Variants in RAD51B observed in about 807,000 individuals in gnomAD.
RAD51B encodes the protein RAD51 paralog B.
Under a neutral mutation model 42.2 loss-of-function variants are expected in RAD51B, and 38 were observed. That is an observed-to-expected ratio of 0.90 (90% CI 0.70 to 1.18). The LOEUF (loss-of-function observed/expected upper bound fraction) is 1.18, where lower values mean the gene tolerates loss of function less well. RAD51B is among the 50% of genes most tolerant of loss of function. The probability of loss-of-function intolerance (pLI) is 0.00; values close to 1 mark genes in which losing one functional copy is unlikely to be tolerated. For missense variants in RAD51B, 373 were observed against 400.7 expected (o/e 0.93, Z 0.59); for synonymous variants, 154 against 145.2 (o/e 1.06, Z -0.43).
At chr14:68,224,443 C>G (rs2079994398) in intron 7 of RAD51B, among the ~76,000 whole-genome samples, 1 of 152,074 alleles carries the variant, frequency 6.6e-6, no homozygotes, top group African/African-American at 2.4e-5. Context: ...TCTTCTTTCA[C>G]CTTGAGCAGC....
chr14:68,440,910 A>G (rs2085271183), intron 9 of RAD51B, among the ~76,000 whole-genome samples: 1 of 152,200 alleles, frequency 6.6e-6, no homozygotes, highest in African/African-American at 2.4e-5. Flanking sequence ...ATATTGATTT[A>G]TTTGGGATGT....
At chr14:68,344,744 G>A (rs1360396989) in intron 8 of RAD51B, among the ~76,000 whole-genome samples, 2 of 151,458 alleles carry the variant, frequency 1.3e-5, no homozygotes, top group African/African-American at 2.4e-5. Flanking sequence ...TCAGGAGTTC[G>A]AGACCAGTCT....
chr14:68,244,975 A>G (rs1219914080), intron 7 of RAD51B, among the ~76,000 whole-genome samples: 1 of 152,226 alleles, frequency 6.6e-6, no homozygotes, highest in Non-Finnish European at 1.5e-5. Flanking sequence ...GAAAAGCCCC[A>G]TGATGTTTCT....
At chr14:68,261,490 ACT>A (rs766926253) in intron 7 of RAD51B, among the ~76,000 whole-genome samples, 10 of 152,076 alleles carry the variant, frequency 6.6e-5, no homozygotes, top group Non-Finnish European at 1.2e-4. Context: ...TCAACTGTGC[ACT>A]CTCTCTTTCT....
intron 7 of RAD51B, among the ~76,000 whole-genome samples, chr14:67,966,984 C>T (rs1204568990): frequency 6.6e-6 from 1 of 152,042 alleles, no homozygotes; most frequent in East Asian, 1.9e-4. Context: ...TAAAGACATA[C>T]CCGAGACTGG....
rs570428305 is a variant in RAD51B, at chr14:68,038,084, G to T, written c.756+150880G>T. Among the ~76,000 whole-genome samples, 145 of 152,320 alleles carry T rather than the reference G, an allele frequency of 9.5e-4. 1 individual carries two copies. The highest frequency in any genetic ancestry group is 3.2e-3 in the African/African-American group (134 of 41,572). ...GACCAGTGTTTGAAAGTCTTTAAAA[G>T]TATTATTTGACATCATAAATGACCA... On this transcript the variant is annotated intron_variant, in intron 7 of 10. Coordinates refer to ENST00000471583, the MANE Select transcript of RAD51B (RefSeq NM_133510.4).
intron 9 of RAD51B, among the ~76,000 whole-genome samples, chr14:68,440,340 G>C (rs2085255415): frequency 1.3e-5 from 2 of 152,224 alleles, no homozygotes; most frequent in South Asian, 4.1e-4. Context: ...AAACTCTGTT[G>C]AGGGATGAAG....
At chr14:68,206,301 T>G (rs1047579051) in intron 7 of RAD51B, among the ~76,000 whole-genome samples, 11 of 152,152 alleles carry the variant, frequency 7.2e-5, no homozygotes, top group African/African-American at 2.7e-4. Context: ...ATTGTCTAAT[T>G]TTTCCTTTGT....
intron 9 of RAD51B, among the ~76,000 whole-genome samples, chr14:68,432,711 C>G (rs2085042685): frequency 6.6e-6 from 1 of 152,142 alleles, no homozygotes; most frequent in South Asian, 2.1e-4. Context: ...ATCCAACTTG[C>G]CAGTCTGTGT....
chr14:68,512,520 G>T (rs1885800366), intron 10 of RAD51B, among the ~76,000 whole-genome samples: 1 of 152,184 alleles, frequency 6.6e-6, no homozygotes, highest in Non-Finnish European at 1.5e-5. Context: ...TCATGGTTCA[G>T]CATCCAAATC....
chr14:68,275,267 GCTAC>G (rs2081197794), intron 7 of RAD51B, among the ~76,000 whole-genome samples: 1 of 152,124 alleles, frequency 6.6e-6, no homozygotes, highest in Non-Finnish European at 1.5e-5. Context: ...ACCCTCATGT[GCTAC>G]CTGAGAACTG....
chr14:68,157,134 C>G (rs2588823), intron 7 of RAD51B, among the ~76,000 whole-genome samples: 1 of 152,036 alleles, frequency 6.6e-6, no homozygotes, highest in Admixed American at 6.5e-5. Context: ...GTGGTTGAGT[C>G]AGCAGTGAAC....
intron 7 of RAD51B, among the ~76,000 whole-genome samples, chr14:68,220,379 A>T (rs567509011): frequency 1.3e-5 from 2 of 152,358 alleles, no homozygotes; most frequent in South Asian, 4.1e-4. Context: ...TGATCACCTC[A>T]AGAGACACAG....
intron 7 of RAD51B, among the ~76,000 whole-genome samples, chr14:67,945,049 A>G (rs2045343663): frequency 6.6e-6 from 1 of 152,208 alleles, no homozygotes; most frequent in Admixed American, 6.5e-5. Flanking sequence ...CCCTGTAGCC[A>G]AGGGAAAGGC....
intron 1 of RAD51B, among the ~76,000 whole-genome samples, chr14:67,821,518 CATG>C (rs2040626823): frequency 6.6e-6 from 1 of 152,202 alleles, no homozygotes; most frequent in Non-Finnish European, 1.5e-5. Flanking sequence ...AGTGCAGTGG[CATG>C]ACCACAGCTC....
intron 5 of RAD51B, among the ~76,000 whole-genome samples, chr14:67,874,799 G>A (rs1457342497): frequency 6.6e-6 from 1 of 152,014 alleles, no homozygotes; most frequent in Non-Finnish European, 1.5e-5. Flanking sequence ...TCTAGTCTAT[G>A]AAAATTTTGG....
At chr14:68,159,660 AAC>A (rs995959250) in intron 7 of RAD51B, among the ~76,000 whole-genome samples, 2 of 151,824 alleles carry the variant, frequency 1.3e-5, no homozygotes, top group Non-Finnish European at 2.9e-5. Flanking sequence ...TTGGACCCTG[AAC>A]ACAGACATTT....
intron 10 of RAD51B, among the ~76,000 whole-genome samples, chr14:68,535,559 C>T: frequency 6.6e-6 from 1 of 152,286 alleles, no homozygotes; most frequent in Middle Eastern, 3.4e-3. Flanking sequence ...GAGCTTACAG[C>T]AGGCCTTAGG....
intron 10 of RAD51B, among the ~76,000 whole-genome samples, chr14:68,556,164 T>C (rs1412585481): frequency 1.3e-5 from 2 of 152,230 alleles, no homozygotes; most frequent in Non-Finnish European, 2.9e-5. Context: ...TACTATATTC[T>C]GGACATCTTC....
Sources: gnomAD v4.1 joint callset for allele counts (sites outside exome capture counted in the v4.1 genomes callset) on GRCh38, gnomAD v4.1.1 for gene constraint, MANE v1.5 for transcripts, NCBI Gene and HGNC (gene_info 2026-07-23, HGNC 2026-07-21) for gene names.